PLEKHA5: variants seen among roughly 807,000 people sequenced by gnomAD.
The protein encoded by PLEKHA5 is pleckstrin homology domain containing A5.
PLEKHA5 carries 55 observed loss-of-function variants against 181.9 expected under a neutral mutation model. That is an observed-to-expected ratio of 0.30 (90% CI 0.24 to 0.38). PLEKHA5 has a LOEUF of 0.38. Ranked by LOEUF, PLEKHA5 falls within the 10% of genes least tolerant of loss-of-function variation. The probability of loss-of-function intolerance (pLI) is 1.00; values close to 1 mark genes in which losing one functional copy is unlikely to be tolerated. For missense variants in PLEKHA5, 1,432 were observed against 1,549.5 expected (o/e 0.92, Z 1.27); for synonymous variants, 535 against 529.4 (o/e 1.01, Z -0.15).
chr12:19,146,671 A>G (rs938632140), intron 3 of PLEKHA5, among the ~76,000 whole-genome samples: 6 of 152,334 alleles, frequency 3.9e-5, no homozygotes, highest in South Asian at 4.1e-4. Context: ...TGGAAAGCCC[A>G]GTGTGCACCC....
Position 19,347,030 on chromosome 12 carries a change from C to T in PLEKHA5, c.2746C>T (p.Arg916Trp), listed in dbSNP as rs558660536. 23 of 1,550,318 alleles carry T rather than the reference C, an allele frequency of 1.5e-5. No homozygotes were observed. The highest frequency in any genetic ancestry group is 4.9e-5 in the East Asian group (2 of 40,850). ...AGTCCCACCTCGTCCTCCACTTCCT[C>T]GGTCCTATGACTTTACAGAGCAGCC... Reference protein sequence around the residue: ...EVVPPRPPLPRSYDFTEQPPI... With the variant: ...EVVPPRPPLPWSYDFTEQPPI... The change falls in exon 24 of 32, where the codon CGG becomes TGG. Residue 916 changes from arginine to tryptophan, a missense_variant. Arg to Trp is a moderately radical substitution (Grantham distance 101). Coordinates refer to ENST00000429027, the MANE Select transcript of PLEKHA5 (RefSeq NM_001256470.2).
intron 18 of PLEKHA5, among the ~76,000 whole-genome samples, chr12:19,321,295 G>A (rs2090654498): frequency 6.8e-6 from 1 of 147,484 alleles, no homozygotes; most frequent in South Asian, 2.1e-4. Flanking sequence ...TCATATTTTA[G>A]ATTGCTGATT....
intron 3 of PLEKHA5, among the ~76,000 whole-genome samples, chr12:19,169,119 A>T (rs2045287400): frequency 6.6e-6 from 1 of 152,202 alleles, no homozygotes; most frequent in Non-Finnish European, 1.5e-5. Flanking sequence ...TTAAAGAAAA[A>T]TGGAAAAATC....
chr12:19,200,268 A>T, intron 3 of PLEKHA5: 1 of 1,252,142 alleles, frequency 8.0e-7, no homozygotes, highest in Non-Finnish European at 1.1e-6. Context: ...GATATTATGT[A>T]CCAATAAAAA....
At chr12:19,132,748 TTCA>T (rs1190269221) in intron 3 of PLEKHA5, among the ~76,000 whole-genome samples, 1 of 151,382 alleles carries the variant, frequency 6.6e-6, no homozygotes, top group African/African-American at 2.4e-5. Context: ...ATCGTCCAGC[TTCA>T]TCAGAATATG....
chr12:19,257,536 AG>A lies in PLEKHA5; in HGVS notation c.537+1del. On this transcript the variant is annotated frameshift_variant and splice_region_variant, in exon 6 of 32. Transcript: ENST00000429027. LOFTEE classifies it high-confidence loss of function. ...PVVRRGWLYK[Q>X]DSTGMKLWKK... ...GTCAGACGAGGTTGGCTTTATAAACAGGTATTTTTTTTTTTTTGATATGAAA... is the reference window on the plus strand; with the variant it reads ...GTCAGACGAGGTTGGCTTTATAAACAGTATTTTTTTTTTTTTGATATGAAA... The A allele has an allele frequency of 6.6e-7, 1 of 1,517,108 alleles. No homozygotes were observed. Among genetic ancestry groups the A allele is most frequent in the Non-Finnish European group, 9.0e-7 (1 of 1,111,642 alleles). The allele number at this position is 1,517,108 out of a possible 1,614,324, so 94.0% of individuals were successfully genotyped here. A position where few individuals can be genotyped will look rare whatever the true frequency, so the allele number is the denominator to read the frequency against.
chr12:19,134,591 C>G (rs1353857092), intron 3 of PLEKHA5, among the ~76,000 whole-genome samples: 1 of 152,122 alleles, frequency 6.6e-6, no homozygotes, highest in Admixed American at 6.5e-5. Flanking sequence ...AGTTAAATCC[C>G]TAATGTGCAC....
intron 3 of PLEKHA5, among the ~76,000 whole-genome samples, chr12:19,217,641 G>T (rs1452220393): frequency 6.6e-6 from 1 of 152,298 alleles, no homozygotes; most frequent in East Asian, 1.9e-4. Context: ...AGAATTCAGT[G>T]CTGCGGAAGC....
intron 31 of PLEKHA5, chr12:19,371,224 C>T (rs1393831614): frequency 1.3e-5 from 2 of 152,460 alleles, no homozygotes; most frequent in Non-Finnish European, 2.9e-5. Context: ...CCAGGCTGAT[C>T]TCAAGCTCCT....
chr12:19,143,037 T>C (rs2037877250), intron 3 of PLEKHA5, among the ~76,000 whole-genome samples: 1 of 152,214 alleles, frequency 6.6e-6, no homozygotes, highest in Non-Finnish European at 1.5e-5. Flanking sequence ...TTGATGGACA[T>C]GTGGGTTATT....
intron 3 of PLEKHA5, among the ~76,000 whole-genome samples, chr12:19,210,947 A>G (rs756974210): frequency 6.6e-6 from 1 of 152,098 alleles, no homozygotes; most frequent in South Asian, 2.1e-4. Context: ...TGATCTATTT[A>G]TAAATTTTAA....
chr12:19,369,760 A>G lies in PLEKHA5; in HGVS notation c.3822A>G (p.Thr1274=), dbSNP rs775995983. 3 of 1,612,500 alleles carry G rather than the reference A, an allele frequency of 1.9e-6. No individual in the cohort carries two copies. Among genetic ancestry groups the G allele is most frequent in the Non-Finnish European group, 2.5e-6 (3 of 1,178,684 alleles). The change falls in exon 31 of 32, where the codon ACA becomes ACG. Residue 1274 remains threonine, a synonymous_variant. Coordinates refer to ENST00000429027, the MANE Select transcript of PLEKHA5 (RefSeq NM_001256470.2). ...TTCCATCCACTCAGCCGCAGCTCAC[A>G]GAAGGATCACATTTCATGTGTGTGT... ...SPVPSTQPQL[T]EGSHFMCV is the part of the protein sequence containing the mutation.
intron 31 of PLEKHA5, 112 bp downstream of exon 31, chr12:19,369,910 A>G (rs1181792832): frequency 2.1e-6 from 1 of 480,870 alleles, no homozygotes; most frequent in Non-Finnish European, 3.6e-6. Flanking sequence ...ACATAGGGAT[A>G]GTTGGCAGAA....
intron 6 of PLEKHA5, among the ~76,000 whole-genome samples, chr12:19,258,544 CT>C (rs761028723): frequency 2.1e-4 from 28 of 132,692 alleles, no homozygotes; most frequent in Middle Eastern, 4.0e-3. Flanking sequence ...CATTTAGTTT[CT>C]TTTTTTTTTC....
chr12:19,248,113 C>T (rs1485281033), intron 3 of PLEKHA5, among the ~76,000 whole-genome samples: 2 of 152,022 alleles, frequency 1.3e-5, no homozygotes, highest in African/African-American at 4.8e-5. Context: ...GTCCCAGCTA[C>T]TTGAGAGGCT....
chr12:19,295,101 AGGCCCAAAGTAGAACCTG>A (rs2079425209), intron 15 of PLEKHA5, among the ~76,000 whole-genome samples: 1 of 152,228 alleles, frequency 6.6e-6, no homozygotes, highest in South Asian at 2.1e-4. Flanking sequence ...AAGATAGCAT[AGGCCCAAAGTAGAACCTG>A]TATACATACA....
intron 16 of PLEKHA5, 77 bp from the exon 17 acceptor site, chr12:19,319,944 G>A (rs1461998454): frequency 2.2e-6 from 2 of 924,270 alleles, no homozygotes; most frequent in Non-Finnish European, 3.2e-6. Flanking sequence ...TTATAACATA[G>A]GCTTTCAGTT....
At chr12:19,299,039 G>A (rs1011535747) in intron 15 of PLEKHA5, among the ~76,000 whole-genome samples, 3 of 152,182 alleles carry the variant, frequency 2.0e-5, no homozygotes, top group Non-Finnish European at 4.4e-5. Flanking sequence ...CAGAATAACT[G>A]GAAGGACCTA....
At chr12:19,158,853 C>T (rs1255350479) in intron 3 of PLEKHA5, among the ~76,000 whole-genome samples, 1 of 152,028 alleles carries the variant, frequency 6.6e-6, no homozygotes, top group Non-Finnish European at 1.5e-5. Context: ...GTGATTTTAA[C>T]TTGTTCATTC....
Sources: gnomAD v4.1 joint callset for allele counts (sites outside exome capture counted in the v4.1 genomes callset) on GRCh38, gnomAD v4.1.1 for gene constraint, MANE v1.5 for transcripts, NCBI Gene and HGNC (gene_info 2026-07-23, HGNC 2026-07-21) for gene names.